GALR1: variants seen among roughly 807,000 people sequenced by gnomAD.
GALR1 encodes the protein galanin receptor type 1.
A neutral mutation model predicts 17.9 loss-of-function variants in GALR1; 11 were observed. The observed-to-expected ratio is 0.62, with a 90% confidence interval of 0.39 to 1.02. The LOEUF (loss-of-function observed/expected upper bound fraction) is 1.02, where lower values mean the gene tolerates loss of function less well. Among genes scored for constraint, GALR1 ranks in the 50% least tolerant of loss-of-function variants. GALR1 has a pLI of 0.01. For synonymous variants in GALR1, 206 were observed against 205.7 expected (o/e 1.00, Z -0.01); for missense variants, 441 against 456.9 (o/e 0.97, Z 0.32).
Position 77,250,077 on chromosome 18 carries a change from G to A in GALR1, c.-472G>A, listed in dbSNP as rs1434595566. Among the ~76,000 whole-genome samples, 1 of 152,252 alleles carries A rather than the reference G, an allele frequency of 6.6e-6. No homozygotes were observed. Among genetic ancestry groups the A allele is most frequent in the African/African-American group, 2.4e-5 (1 of 41,474 alleles). The stretch of plus-strand genomic sequence containing the variant: ...GCACTGCTGCGCGCTGGGCAGTGCG[G>A]GGAAGCGCCGCGGGAAGGAGCGGCT... On this transcript the variant is annotated 5_prime_UTR_variant, in exon 1 of 3. Transcript: ENST00000299727.
Position 77,259,292 on chromosome 18 carries a change from C to T in GALR1, c.732+3069C>T, listed in dbSNP as rs374719731. ...TGGTGTTGGTGGTGGTCATGGTGGT[C>T]ATGGTGGTGATGATGGTGGTGATGA... On this transcript the variant is annotated intron_variant, in intron 2 of 2. Transcript: ENST00000299727. 1.9e-4 allele frequency among the ~76,000 whole-genome samples: 10 copies of T among 52,452 alleles called. 1 individual carries two copies. Among genetic ancestry groups the T allele is most frequent in the African/African-American group, 5.8e-4 (9 of 15,434 alleles). 34.4% of individuals were successfully genotyped at this position (52,452 alleles called of 152,430 possible).
At chr18:77,268,552 C>CCTT (rs753279434) in intron 2 of GALR1, 33 bp from the exon 3 acceptor site, 6 of 1,506,872 alleles carry the variant, frequency 4.0e-6, no homozygotes, top group African/African-American at 2.8e-5. Flanking sequence ...GCCTCCTCCT[C>CCTT]CTCCTCCTCC....
intron 2 of GALR1, among the ~76,000 whole-genome samples, chr18:77,258,924 ATGGT>A (rs1912712013): frequency 9.8e-6 from 1 of 102,514 alleles, no homozygotes; most frequent in Non-Finnish European, 2.0e-5. Context: ...GGTGGTGATG[ATGGT>A]CATGGTGGTG....
intron 1 of GALR1, among the ~76,000 whole-genome samples, chr18:77,252,977 CCATCACCACCAT>C (rs1568139213): frequency 2.3e-3 from 123 of 53,878 alleles, no homozygotes; most frequent in Admixed American, 7.5e-3. Flanking sequence ...ACCATCACCA[CCATCACCACCAT>C]CACCACCACC....
chr18:77,250,197 C>T lies in GALR1; in HGVS notation c.-352C>T, dbSNP rs1912362479. ...TAAGGCGGAGAGAAGGGTCTTTCCACCTGCGCGGCTGCAGCCGGCGGATCC... is the reference window on the plus strand; with the variant it reads ...TAAGGCGGAGAGAAGGGTCTTTCCATCTGCGCGGCTGCAGCCGGCGGATCC... On this transcript the variant is annotated 5_prime_UTR_variant, in exon 1 of 3. Coordinates refer to ENST00000299727, the MANE Select transcript of GALR1 (RefSeq NM_001480.4). 6.6e-6 allele frequency among the ~76,000 whole-genome samples: 1 copy of T among 152,196 alleles called. No individual in the cohort carries two copies. The highest frequency in any genetic ancestry group is 6.5e-5 in the Admixed American group (1 of 15,290).
rs35556274 is a variant in GALR1, at chr18:77,271,246, A to ACCCCCCCCCCCCC, written c.*2345_*2357dup. On this transcript the variant is annotated 3_prime_UTR_variant, in exon 3 of 3. Coordinates refer to ENST00000299727, the MANE Select transcript of GALR1 (RefSeq NM_001480.4). ...CAAAAAGTAATAGCTTGCGCTTGAAACCCCCCCCCCCCCGCCACTTTGCTA... is the reference window on the plus strand; with the variant it reads ...CAAAAAGTAATAGCTTGCGCTTGAAACCCCCCCCCCCCCCCCCCCCCCCCCCGCCACTTTGCTA... 10 of 77,950 alleles carry ACCCCCCCCCCCCC rather than the reference A, an allele frequency of 1.3e-4. No homozygotes were observed. Among genetic ancestry groups the ACCCCCCCCCCCCC allele is most frequent in the Non-Finnish European group, 1.7e-4 (6 of 35,088 alleles). The allele number at this position is 77,950 out of a possible 1,614,324, so 4.8% of individuals were successfully genotyped here.
At chr18:77,258,302 G>C (rs1242037842) in intron 2 of GALR1, among the ~76,000 whole-genome samples, 1 of 152,138 alleles carries the variant, frequency 6.6e-6, no homozygotes, top group Non-Finnish European at 1.5e-5. Flanking sequence ...TTACCATGAG[G>C]ATCTAGCATT....
At chr18:77,260,223 C>T (rs917078656) in intron 2 of GALR1, among the ~76,000 whole-genome samples, 11 of 152,246 alleles carry the variant, frequency 7.2e-5, no homozygotes, top group Middle Eastern at 3.4e-3. Flanking sequence ...TGGTGAGGGC[C>T]GTTTTCTGGT....
At position 77,252,854 on chromosome 18, in the gene GALR1, ACACCACCACCACCACCACCACCACCAT is replaced by A. The variant is rs1912452115; in HGVS notation, c.666+1655_666+1681del. ...CAACGGAGCGAGACTCTGTCTCAAA[ACACCACCACCACCACCACCACCACCAT>A]CACCACCACCACCATCACCACCACC... On this transcript the variant is annotated intron_variant, in intron 1 of 2. Coordinates refer to ENST00000299727, the MANE Select transcript of GALR1 (RefSeq NM_001480.4). 9.5e-5 allele frequency among the ~76,000 whole-genome samples: 5 copies of A among 52,598 alleles called. 1 individual carries two copies. Among genetic ancestry groups the A allele is most frequent in the South Asian group, 6.3e-4 (1 of 1,580 alleles). The allele number at this position is 52,598 out of a possible 152,430, so 34.5% of individuals were successfully genotyped here.
rs1913185995 is a variant in GALR1, at chr18:77,277,868, T to G, written c.*8966T>G. 1 of 152,252 alleles carries G rather than the reference T, an allele frequency of 6.6e-6. No homozygotes were observed. Among genetic ancestry groups the G allele is most frequent in the Admixed American group, 6.5e-5 (1 of 15,290 alleles). 9.4% of individuals were successfully genotyped at this position (152,252 alleles called of 1,614,324 possible). On this transcript the variant is annotated 3_prime_UTR_variant, in exon 3 of 3. Transcript: ENST00000299727. ...TTGGCCTTTGTGATGGAACCAGTTTTCTTGCATTGAAAATAAAATTTGTTC... is the reference window on the plus strand; with the variant it reads ...TTGGCCTTTGTGATGGAACCAGTTTGCTTGCATTGAAAATAAAATTTGTTC...
Position 77,250,523 on chromosome 18 carries a change from C to A in GALR1, c.-26C>A, listed in dbSNP as rs1184621807. 2 of 1,434,396 alleles carry A rather than the reference C, an allele frequency of 1.4e-6. No individual in the cohort carries two copies. Among genetic ancestry groups the A allele is most frequent in the East Asian group, 2.6e-5 (1 of 37,848 alleles). The allele number at this position is 1,434,396 out of a possible 1,614,324, so 88.9% of individuals were successfully genotyped here. ...CGCCCTCCCTCCCCGCGCGCCCCGC[C>A]GCTCGCCGGGACAGCCCCGCGGGCC... On this transcript the variant is annotated 5_prime_UTR_variant, in exon 1 of 3. Coordinates refer to ENST00000299727, the MANE Select transcript of GALR1 (RefSeq NM_001480.4).
chr18:77,250,719 G>C lies in GALR1; in HGVS notation c.171G>C (p.Val57=). ...TGGGCAACAGCCTAGTGATCACCGT[G>C]CTGGCGCGCAGCAAGCCGGGCAAGC... ...GVLGNSLVIT[V]LARSKPGKPR... The change falls in exon 1 of 3, where the codon GTG becomes GTC. Residue 57 remains valine, a synonymous_variant. Coordinates refer to ENST00000299727, the MANE Select transcript of GALR1 (RefSeq NM_001480.4). The C allele has an allele frequency of 6.2e-7, 1 of 1,613,700 alleles. No individual in the cohort carries two copies. The highest frequency in any genetic ancestry group is 1.1e-5 in the South Asian group (1 of 91,078).
In GALR1 at chr18:77,251,216, T is replaced by C; in HGVS notation, c.666+2T>C. 6.3e-7 allele frequency: 1 copy of C among 1,591,620 alleles called. No individual in the cohort carries two copies. On this transcript the variant is annotated splice_donor_variant, in intron 1 of 2. Transcript: ENST00000299727. LOFTEE classifies it high-confidence loss of function. ...CTCATCTGCTTCTGCTATGCCAAGG[T>C]GCACGCCGGTCGCGGGGCCGAGACG...
In GALR1 at chr18:77,252,899, CCACCACCACCACCACCACCACCAT is replaced by C. The variant is rs1568139014; in HGVS notation, c.666+1709_666+1732del. Among the ~76,000 whole-genome samples, 474 of 48,172 alleles carry C rather than the reference CCACCACCACCACCACCACCACCAT, an allele frequency of 9.8e-3. 6 individuals carry two copies. Among genetic ancestry groups the C allele is most frequent in the Middle Eastern group, 0.021 (2 of 94 alleles). The allele number at this position is 48,172 out of a possible 152,430, so 31.6% of individuals were successfully genotyped here. A position where few individuals can be genotyped will look rare whatever the true frequency, so the allele number is the denominator to read the frequency against. On this transcript the variant is annotated intron_variant, in intron 1 of 2. Transcript: ENST00000299727. Reference sequence around the variant, plus strand: ...ACCACCATCACCACCACCACCATCACCACCACCACCACCACCACCACCATCACCACCACCACCACCACCACCACC... The same window carrying C: ...ACCACCATCACCACCACCACCATCACCACCACCACCACCACCACCACCACC...
rs773398427 is a variant in GALR1, at chr18:77,268,908, G to A, written c.*6G>A. ...CCAATTGTACTCATGTGTGATAAAA[G>A]ATAGAGTATCCTTATGGTTGAGTTT... On this transcript the variant is annotated 3_prime_UTR_variant, in exon 3 of 3. Transcript: ENST00000299727. The A allele has an allele frequency of 1.8e-5, 29 of 1,599,826 alleles. No individual in the cohort carries two copies. The African/African-American group carries it at 3.1e-4, about 17-fold the overall frequency.
intron 2 of GALR1, among the ~76,000 whole-genome samples, chr18:77,268,075 T>C (rs941586415): frequency 6.6e-6 from 1 of 152,190 alleles, no homozygotes; most frequent in Non-Finnish European, 1.5e-5. Flanking sequence ...ATGAAACACA[T>C]CGCTGCATCA....
chr18:77,268,923 T>A lies in GALR1; in HGVS notation c.*21T>A, dbSNP rs775722901. The A allele has an allele frequency of 1.9e-6, 3 of 1,569,198 alleles. No individual in the cohort carries two copies. Among genetic ancestry groups the A allele is most frequent in the Non-Finnish European group, 2.6e-6 (3 of 1,144,858 alleles). Reference sequence around the variant, plus strand: ...TGTGATAAAAGATAGAGTATCCTTATGGTTGAGTTTCCATATAAGTGGACC... The same window carrying A: ...TGTGATAAAAGATAGAGTATCCTTAAGGTTGAGTTTCCATATAAGTGGACC... On this transcript the variant is annotated 3_prime_UTR_variant, in exon 3 of 3. Transcript: ENST00000299727.
In GALR1 at chr18:77,275,347, A is replaced by T. The variant is rs1419714440; in HGVS notation, c.*6445A>T. Reference sequence around the variant, plus strand: ...CCCGGGCATGTTGGATGGAGTTGTGATGGGTGTGCCTCCCTCGGACTTACT... The same window carrying T: ...CCCGGGCATGTTGGATGGAGTTGTGTTGGGTGTGCCTCCCTCGGACTTACT... On this transcript the variant is annotated 3_prime_UTR_variant, in exon 3 of 3. Transcript: ENST00000299727. 6.6e-6 allele frequency: 1 copy of T among 152,328 alleles called. No homozygotes were observed. The highest frequency in any genetic ancestry group is 1.5e-5 in the Non-Finnish European group (1 of 68,172). 9.4% of individuals were successfully genotyped at this position (152,328 alleles called of 1,614,324 possible).
rs1456989644 is a variant in GALR1, at chr18:77,272,740, GACTT to G, written c.*3844_*3847del. On this transcript the variant is annotated 3_prime_UTR_variant, in exon 3 of 3. Coordinates refer to ENST00000299727, the MANE Select transcript of GALR1 (RefSeq NM_001480.4). Reference sequence around the variant, plus strand: ...GATGTTAATGACTTGTTTAATTATTGACTTACTTATTTTAAAAGCTGTATGTAGT... The same window carrying G: ...GATGTTAATGACTTGTTTAATTATTGACTTATTTTAAAAGCTGTATGTAGT... 2 of 152,098 alleles carry G rather than the reference GACTT, an allele frequency of 1.3e-5. No individual in the cohort carries two copies. Among genetic ancestry groups the G allele is most frequent in the Non-Finnish European group, 2.9e-5 (2 of 68,002 alleles). 9.4% of individuals were successfully genotyped at this position (152,098 alleles called of 1,614,324 possible).
Sources: allele counts gnomAD v4.1 joint callset (sites outside exome capture counted in the v4.1 genomes callset), GRCh38; gene constraint gnomAD v4.1.1; transcripts MANE v1.5; gene names NCBI Gene and HGNC (gene_info 2026-07-23, HGNC 2026-07-21).